ZNF407: variants seen among roughly 807,000 people sequenced by gnomAD.
ZNF407 encodes the protein zinc finger protein 407.
In ZNF407, 17 loss-of-function variants were observed where a neutral mutation model predicts 131.2. The observed-to-expected ratio is 0.13, with a 90% confidence interval of 0.09 to 0.19. The LOEUF is 0.19. Ranked by LOEUF, ZNF407 falls within the 10% of genes least tolerant of loss-of-function variation. ZNF407 has a pLI of 1.00. For synonymous variants in ZNF407, 1,156 were observed against 1,062.0 expected, an observed-to-expected ratio of 1.09 and a Z score of -1.72; for missense variants, 2,681 against 2,830.6, an observed-to-expected ratio of 0.95 and a Z score of 1.20.
Position 74,981,238 on chromosome 18 carries a change from G to C in ZNF407, c.5428+60546G>C, listed in dbSNP as rs529338899. Among the ~76,000 whole-genome samples the C allele has an allele frequency of 7.7e-4, 117 of 152,348 alleles. 1 individual carries two copies. In the Middle Eastern group the frequency reaches 0.017, roughly 22 times the overall value. On this transcript the variant is annotated intron_variant, in intron 8 of 8. Transcript: ENST00000299687. ...AGAGGCACCCCCGTCAGTGGGTGCT[G>C]TGCAGGGTGAGGCGGGGCACGGGCA...
chr18:74,767,355 A>G (rs552555471), intron 3 of ZNF407, among the ~76,000 whole-genome samples: 1 of 152,258 alleles, frequency 6.6e-6, no homozygotes, highest in Admixed American at 6.5e-5. Context: ...TGTTGCGGTA[A>G]TTGATGATGA....
rs182605322 is a variant in ZNF407, at chr18:75,063,821, G to C, written c.6100G>C (p.Asp2034His). 153 of 1,607,430 alleles carry C rather than the reference G, an allele frequency of 9.5e-5. No individual in the cohort carries two copies. The highest frequency in any genetic ancestry group is 1.3e-4 in the Non-Finnish European group (150 of 1,179,102). ...PGQEVSHVAA[D>H]PEAPEIQMFP... ...GCAGGAGGTCTCCCATGTGGCTGCC[G>C]ACCCCGAGGCCCCCGAGATCCAGAT... The change falls in exon 9 of 9, where the codon GAC (aspartate) becomes CAC (histidine). Residue 2034 changes from aspartate (D) to histidine (H), a missense_variant. Coordinates refer to ENST00000299687, the MANE Select transcript of ZNF407 (RefSeq NM_017757.3). The surrounding 1 kb of genome is among the most constrained non-coding windows in gnomAD (Gnocchi z 6.6).
intron 2 of ZNF407, among the ~76,000 whole-genome samples, chr18:74,639,530 C>T (rs1286333485): frequency 6.6e-6 from 1 of 152,116 alleles, no homozygotes; most frequent in Non-Finnish European, 1.5e-5. Context: ...ACTGTATTTT[C>T]TAATGTGACT....
At chr18:74,969,536 C>T (rs761246256) in intron 8 of ZNF407, among the ~76,000 whole-genome samples, 7 of 152,142 alleles carry the variant, frequency 4.6e-5, no homozygotes, top group Non-Finnish European at 1.0e-4. Flanking sequence ...GCTGGAGCTC[C>T]CAGTGAACTC....
At chr18:74,779,177 G>A (rs187239881) in intron 3 of ZNF407, among the ~76,000 whole-genome samples, 13 of 135,912 alleles carry the variant, frequency 9.6e-5, no homozygotes, top group African/African-American at 3.0e-4. Context: ...GTGCAGTGGC[G>A]CAATCTCGGC....
chr18:74,607,554 T>G (rs532212565), intron 1 of ZNF407, among the ~76,000 whole-genome samples: 49 of 152,290 alleles, frequency 3.2e-4, no homozygotes, highest in African/African-American at 1.0e-3. Flanking sequence ...GAGCTAATTC[T>G]GTTTGTCACG....
At chr18:74,804,106 T>A in intron 4 of ZNF407, 1 of 1,540,238 alleles carries the variant, frequency 6.5e-7, no homozygotes, top group East Asian at 2.5e-5. Flanking sequence ...GGCTGAGGAC[T>A]TATTTTGGTT....
intron 8 of ZNF407, among the ~76,000 whole-genome samples, chr18:74,986,847 T>G (rs577711147): frequency 6.6e-6 from 1 of 152,232 alleles, no homozygotes; most frequent in Non-Finnish European, 1.5e-5. Context: ...TTCTTCTATT[T>G]TTTCTCTTAG....
intron 3 of ZNF407, among the ~76,000 whole-genome samples, chr18:74,680,936 T>C (rs1966969046): frequency 1.3e-5 from 2 of 152,210 alleles, no homozygotes; most frequent in South Asian, 4.1e-4. Flanking sequence ...AAATTCAAAA[T>C]TTTAACAATT....
In ZNF407 at chr18:74,714,829, T is replaced by C. The variant is rs143940293; in HGVS notation, c.4803-66599T>C. Among the ~76,000 whole-genome samples, 9 of 152,186 alleles carry C rather than the reference T, an allele frequency of 5.9e-5. No homozygotes were observed. The East Asian group carries it at 1.7e-3, about 29-fold the overall frequency. On this transcript the variant is annotated intron_variant, in intron 3 of 8. Transcript: ENST00000299687. ...GCCAATTCTCAGATTTCTTGGGGGGTAGAACAGTCTGACATAAGGAGTCAA... is the reference window on the plus strand; with the variant it reads ...GCCAATTCTCAGATTTCTTGGGGGGCAGAACAGTCTGACATAAGGAGTCAA...
chr18:74,723,965 G>C (rs1282028201), intron 3 of ZNF407, among the ~76,000 whole-genome samples: 1 of 151,790 alleles, frequency 6.6e-6, no homozygotes, highest in Non-Finnish European at 1.5e-5. Flanking sequence ...TTGTTTGGCA[G>C]AATCTCATTA....
rs765401408 is a variant in ZNF407 at position 75,064,189 on chromosome 18, G to A, written c.6468G>A (p.Val2156=). 8 of 1,604,358 alleles carry A rather than the reference G, an allele frequency of 5.0e-6. No individual in the cohort carries two copies. Among genetic ancestry groups the A allele is most frequent in the Non-Finnish European group, 6.8e-6 (8 of 1,175,858 alleles). Residue 2156 remains valine, a synonymous_variant, in exon 9 of 9, where the codon GTG becomes GTA. Transcript: ENST00000299687. ...IVTEELVQAM[V]QESSGGFSEG... ...CGGAGGAGCTGGTCCAGGCCATGGT[G>A]CAGGAGTCCAGTGGCGGCTTCTCCG... is the stretch of plus-strand genomic sequence containing the variant.
At chr18:74,978,343 G>A (rs748161815) in intron 8 of ZNF407, among the ~76,000 whole-genome samples, 3 of 152,132 alleles carry the variant, frequency 2.0e-5, no homozygotes, top group Non-Finnish European at 2.9e-5. Context: ...CAAATAGGTC[G>A]TAAGGAGCCA....
chr18:74,876,813 C>T (rs577001947), intron 4 of ZNF407, among the ~76,000 whole-genome samples: 168 of 152,322 alleles, frequency 1.1e-3, no homozygotes, highest in African/African-American at 3.8e-3. Context: ...AGCCGCACAC[C>T]AGCAGACAGC....
chr18:75,056,891 C>G (rs888628734), intron 8 of ZNF407, among the ~76,000 whole-genome samples: 3 of 152,104 alleles, frequency 2.0e-5, no homozygotes, highest in Non-Finnish European at 2.9e-5. Context: ...AAATATGGCT[C>G]TAATTTATTA....
chr18:74,700,621 C>G (rs1291690255), intron 3 of ZNF407, among the ~76,000 whole-genome samples: 1 of 152,144 alleles, frequency 6.6e-6, no homozygotes, highest in African/African-American at 2.4e-5. Context: ...TTCTTCTCAG[C>G]CTTAACTTTA....
At chr18:74,849,067 A>C (rs2554109) in intron 4 of ZNF407, among the ~76,000 whole-genome samples, 1 of 132,872 alleles carries the variant, frequency 7.5e-6, no homozygotes, top group East Asian at 2.2e-4. Flanking sequence ...TTTTTTTTTT[A>C]TTTTTTATTT....
At chr18:75,002,067 C>T (rs1206633711) in intron 8 of ZNF407, among the ~76,000 whole-genome samples, 1 of 152,190 alleles carries the variant, frequency 6.6e-6, no homozygotes, top group Non-Finnish European at 1.5e-5. Flanking sequence ...CAGGAGGAAA[C>T]CAAGAGAGTG....
intron 3 of ZNF407, among the ~76,000 whole-genome samples, chr18:74,676,628 G>T (rs1017851733): frequency 6.6e-6 from 1 of 151,708 alleles, no homozygotes; most frequent in African/African-American, 2.4e-5. Flanking sequence ...TAGAGACGGG[G>T]TTTCACCGTG....
Sources: gnomAD v4.1 joint callset for allele counts (sites outside exome capture counted in the v4.1 genomes callset) on GRCh38, gnomAD v4.1.1 for gene constraint, Gnocchi (gnomAD v3.1) non-coding constraint, MANE v1.5 for transcripts, NCBI Gene and HGNC (gene_info 2026-07-23, HGNC 2026-07-21) for gene names.